PLVAP: variants seen among roughly 807,000 people sequenced by gnomAD.
PLVAP encodes plasmalemma vesicle associated protein, also known as plasmalemma vesicle-associated protein.
Under a neutral mutation model 43.1 loss-of-function variants are expected in PLVAP, and 34 were observed. The ratio of observed to expected loss-of-function variants is 0.79; its 90% confidence interval spans 0.60 to 1.05. The LOEUF (loss-of-function observed/expected upper bound fraction) is 1.05. Ranked by LOEUF, PLVAP falls within the 50% of genes least tolerant of loss-of-function variation. The pLI is 0.00. For synonymous variants in PLVAP, 241 were observed against 237.3 expected (o/e 1.02, Z -0.14); for missense variants, 574 against 593.4 (o/e 0.97, Z 0.34).
intron 5 of PLVAP, among the ~76,000 whole-genome samples, chr19:17,353,516 C>A (rs1000748939): frequency 1.1e-4 from 16 of 152,160 alleles, no homozygotes; most frequent in African/African-American, 3.9e-4. Context: ...CTCCATCACT[C>A]CACTCCAGCC....
At position 17,376,948 on chromosome 19, in the gene PLVAP, G is replaced by A; in HGVS notation, c.341C>T (p.Ala114Val). 1 of 1,614,000 alleles carries A rather than the reference G, an allele frequency of 6.2e-7. No homozygotes were observed. Among genetic ancestry groups the A allele is most frequent in the Non-Finnish European group, 8.5e-7 (1 of 1,179,998 alleles). The change falls in exon 1 of 6, where the codon GCC (alanine) becomes GTC (valine). Residue 114 changes from alanine (A) to valine (V), a missense_variant. Physicochemically the swap from Ala to Val is moderately conservative, Grantham distance 64 (BLOSUM62 0). Transcript: ENST00000252590. ...GTCACCCTGGCACTGGCGGAAGCTGGCATTGATGCGGTCCAGGTCGCGGCG... is the reference window on the plus strand; with the variant it reads ...GTCACCCTGGCACTGGCGGAAGCTGACATTGATGCGGTCCAGGTCGCGGCG... Reference protein sequence around the residue: ...NARRDLDRINASFRQCQGDRV... With the variant: ...NARRDLDRINVSFRQCQGDRV...
chr19:17,368,586 G>A (rs770298295), intron 1 of PLVAP, among the ~76,000 whole-genome samples: 2 of 152,096 alleles, frequency 1.3e-5, no homozygotes, highest in Non-Finnish European at 2.9e-5. Flanking sequence ...CATGACTGAT[G>A]TCCTTATAAA....
intron 1 of PLVAP, among the ~76,000 whole-genome samples, chr19:17,368,932 C>T (rs761907436): frequency 7.8e-4 from 119 of 151,812 alleles, no homozygotes; most frequent in Non-Finnish European, 1.0e-3. Flanking sequence ...GAGCCGAGAT[C>T]GCGTCTCTGC....
At chr19:17,360,996 ACT>A (rs953810099) in intron 3 of PLVAP, 164 bp from the exon 4 acceptor site, 2 of 626,712 alleles carry the variant, frequency 3.2e-6, no homozygotes, top group Admixed American at 3.1e-5. Flanking sequence ...CTCATTGCAA[ACT>A]CTGCCTCCCA....
intron 1 of PLVAP, among the ~76,000 whole-genome samples, chr19:17,373,485 C>T (rs1471178692): frequency 6.6e-6 from 1 of 152,006 alleles, no homozygotes; most frequent in East Asian, 1.9e-4. Flanking sequence ...GTCTGAGGTC[C>T]TATGGGAGGT....
intron 5 of PLVAP, 56 bp downstream of exon 5, chr19:17,360,472 C>T: frequency 6.4e-7 from 1 of 1,555,180 alleles, no homozygotes. Context: ...CAGTCCTGGT[C>T]CTAGCTTTGC....
At chr19:17,360,078 C>T (rs1454999321) in intron 5 of PLVAP, among the ~76,000 whole-genome samples, 1 of 152,122 alleles carries the variant, frequency 6.6e-6, no homozygotes, top group Non-Finnish European at 1.5e-5. Flanking sequence ...GTTTGGGGTC[C>T]GATGGCCTGG....
chr19:17,355,347 T>C (rs1388183575), intron 5 of PLVAP, among the ~76,000 whole-genome samples: 1 of 151,794 alleles, frequency 6.6e-6, no homozygotes, highest in African/African-American at 2.4e-5. Context: ...TGGACCAAGA[T>C]TTACTTAATA....
intron 5 of PLVAP, among the ~76,000 whole-genome samples, chr19:17,356,965 CA>C (rs879934005): frequency 3.6e-4 from 54 of 150,208 alleles, no homozygotes; most frequent in African/African-American, 1.3e-3. Context: ...GTCTCAAAAA[CA>C]AAAAAACAAA....
At chr19:17,366,299 T>G in intron 1 of PLVAP, 104 bp from the exon 2 acceptor site, 2 of 1,034,056 alleles carry the variant, frequency 1.9e-6, no homozygotes, top group Non-Finnish European at 3.0e-6. Flanking sequence ...TGAGCTGAGT[T>G]CACAAGGGCA....
At chr19:17,372,868 C>T (rs2074578685) in intron 1 of PLVAP, among the ~76,000 whole-genome samples, 1 of 149,578 alleles carries the variant, frequency 6.7e-6, no homozygotes, top group African/African-American at 2.4e-5. Flanking sequence ...TGAGGCCATC[C>T]TGGTTAACAT....
intron 5 of PLVAP, among the ~76,000 whole-genome samples, chr19:17,355,457 G>T (rs145305682): frequency 4.0e-5 from 6 of 151,538 alleles, no homozygotes; most frequent in South Asian, 2.1e-4. Flanking sequence ...TGAACTCCTC[G>T]GCTCAAGCAG....
intron 3 of PLVAP, among the ~76,000 whole-genome samples, chr19:17,361,502 GC>G (rs533934122): frequency 4.6e-5 from 7 of 152,050 alleles, no homozygotes; most frequent in African/African-American, 1.7e-4. Flanking sequence ...ACCCACCACA[GC>G]CCCCTTCAGA....
At chr19:17,368,384 G>T (rs1284834993) in intron 1 of PLVAP, among the ~76,000 whole-genome samples, 1 of 144,970 alleles carries the variant, frequency 6.9e-6, no homozygotes, top group Non-Finnish European at 1.5e-5. Context: ...ACTAATTTTT[G>T]TATTTTTAGT....
Position 17,365,729 on chromosome 19 carries a change from T to C in PLVAP, c.736A>G (p.Ile246Val), listed in dbSNP as rs1370495407. 1.2e-6 allele frequency: 2 copies of C among 1,614,064 alleles called. No individual in the cohort carries two copies. Among genetic ancestry groups the C allele is most frequent in the South Asian group, 2.2e-5 (2 of 91,088 alleles). ...CCCAGGTTGTCCAGGCTGCGTGGGATAATGGAGTCCCTCCACAGGTTACGA... is the reference window on the plus strand; with the variant it reads ...CCCAGGTTGTCCAGGCTGCGTGGGACAATGGAGTCCCTCCACAGGTTACGA... ...DLRNLWRDSI[I>V]PRSLDNLGYN... Residue 246 changes from isoleucine (I) to valine (V), a missense_variant, in exon 3 of 6, where the codon ATC becomes GTC. Coordinates refer to ENST00000252590, the MANE Select transcript of PLVAP (RefSeq NM_031310.3).
At chr19:17,360,694 G>A (rs559372963) in intron 4 of PLVAP, 78 bp downstream of exon 4, 4 of 1,576,816 alleles carry the variant, frequency 2.5e-6, no homozygotes, top group Non-Finnish European at 3.5e-6. Context: ...GCCCAGGGGA[G>A]TGGGAAAGTG....
chr19:17,368,603 A>T (rs1387142159), intron 1 of PLVAP, among the ~76,000 whole-genome samples: 1 of 152,106 alleles, frequency 6.6e-6, no homozygotes, highest in East Asian at 1.9e-4. Context: ...TAAAGAGAAG[A>T]GATTTGGACA....
At chr19:17,358,267 GAA>G (rs71336606) in intron 5 of PLVAP, among the ~76,000 whole-genome samples, 3 of 128,546 alleles carry the variant, frequency 2.3e-5, no homozygotes, top group Admixed American at 7.8e-5. Context: ...ATGCAAGAAG[GAA>G]AAAAAAAAAA....
In PLVAP at chr19:17,365,442, G is replaced by C. The variant is rs3810208; in HGVS notation, c.1023C>G (p.Ser341=). The C allele has an allele frequency of 5.5e-3, 8,810 of 1,612,990 alleles. 185 individuals are homozygous for C. Among genetic ancestry groups the C allele is most frequent in the East Asian group, 0.053 (2,398 of 44,858 alleles). The part of the protein sequence containing the change: ...AREAKLQAEC[S]RQTQLALEEK... ...CCTCCAGCGCTAGCTGGGTCTGCCG[G>C]GAGCATTCAGCTTGGAGCTTGGCCT... The change falls in exon 3 of 6, where the codon TCC becomes TCG. Residue 341 remains serine, a synonymous_variant. Transcript: ENST00000252590.
Sources: gnomAD v4.1 joint callset for allele counts (sites outside exome capture counted in the v4.1 genomes callset) on GRCh38, gnomAD v4.1.1 for gene constraint, MANE v1.5 for transcripts, NCBI Gene and HGNC (gene_info 2026-07-23, HGNC 2026-07-21) for gene names.